RIMS1: variants seen among roughly 807,000 people sequenced by gnomAD.
The protein encoded by RIMS1 is regulating synaptic membrane exocytosis 1, also known as regulating synaptic membrane exocytosis protein 1.
In RIMS1, 83 loss-of-function variants were observed where a neutral mutation model predicts 214.1. The observed-to-expected ratio is 0.39, with a 90% CI of 0.32 to 0.47. RIMS1 has a LOEUF of 0.47. Among genes scored for constraint, RIMS1 ranks in the 20% least tolerant of loss-of-function variants. The pLI is 0.99. For missense variants in RIMS1, 2,050 were observed against 2,161.8 expected, an observed-to-expected ratio of 0.95 and a Z score of 1.03; for synonymous variants, 793 against 786.8, an observed-to-expected ratio of 1.01 and a Z score of -0.13.
chr6:72,059,728 G>T (rs948414215), intron 2 of RIMS1, among the ~76,000 whole-genome samples: 7 of 152,116 alleles, frequency 4.6e-5, no homozygotes, highest in African/African-American at 1.7e-4. Context: ...GTTAAAAACT[G>T]ACAGCCCGTG....
chr6:71,944,352 A>AC (rs1787120926), intron 1 of RIMS1, among the ~76,000 whole-genome samples: 1 of 152,098 alleles, frequency 6.6e-6, no homozygotes, highest in African/African-American at 2.4e-5. Context: ...AAGAAGAGGC[A>AC]CCCCTTTCTC....
intron 10 of RIMS1, among the ~76,000 whole-genome samples, chr6:72,243,315 TATC>T (rs1266997523): frequency 6.6e-6 from 1 of 151,722 alleles, no homozygotes; most frequent in Non-Finnish European, 1.5e-5. Flanking sequence ...AAGATATAAT[TATC>T]ATAATTCTCA....
At chr6:72,140,116 C>T (rs1490010224) in intron 4 of RIMS1, among the ~76,000 whole-genome samples, 3 of 152,080 alleles carry the variant, frequency 2.0e-5, no homozygotes, top group Non-Finnish European at 4.4e-5. Context: ...GTGGAGCTAT[C>T]TTGGTTTAGA....
chr6:72,001,873 C>G (rs574389224), intron 2 of RIMS1, among the ~76,000 whole-genome samples: 1 of 152,112 alleles, frequency 6.6e-6, no homozygotes, highest in African/African-American at 2.4e-5. Flanking sequence ...TGGTACAGAA[C>G]ATTCCACAAA....
chr6:72,023,209 T>C (rs1815263865), intron 2 of RIMS1, among the ~76,000 whole-genome samples: 1 of 152,188 alleles, frequency 6.6e-6, no homozygotes, highest in Admixed American at 6.5e-5. Flanking sequence ...ATTTACACTC[T>C]GAAAGAGCAA....
chr6:72,140,564 C>T (rs2041963450), intron 4 of RIMS1, among the ~76,000 whole-genome samples: 1 of 152,010 alleles, frequency 6.6e-6, no homozygotes, highest in Admixed American at 6.5e-5. Flanking sequence ...AAACTTAACA[C>T]CTTCCACCCT....
At chr6:72,233,036 T>G (rs1201180911) in intron 6 of RIMS1, among the ~76,000 whole-genome samples, 2 of 151,842 alleles carry the variant, frequency 1.3e-5, no homozygotes, top group African/African-American at 4.8e-5. Flanking sequence ...TAATATCTCT[T>G]CTCATGTAGG....
At chr6:72,036,101 G>A (rs1304289992) in intron 2 of RIMS1, among the ~76,000 whole-genome samples, 6 of 152,000 alleles carry the variant, frequency 3.9e-5, no homozygotes, top group Non-Finnish European at 2.9e-5. Context: ...ACAGTTTATG[G>A]CAACATGATC....
At chr6:72,378,279 A>C (rs2098424758) in intron 29 of RIMS1, among the ~76,000 whole-genome samples, 1 of 152,236 alleles carries the variant, frequency 6.6e-6, no homozygotes, top group Non-Finnish European at 1.5e-5. Flanking sequence ...CAGGAATTTC[A>C]CAATACTGCA....
intron 2 of RIMS1, among the ~76,000 whole-genome samples, chr6:72,019,229 C>T (rs775111417): frequency 3.3e-5 from 5 of 152,252 alleles, no homozygotes; most frequent in Non-Finnish European, 5.9e-5. Flanking sequence ...CATGTATACA[C>T]GTGCTGTCAG....
At chr6:72,267,580 A>G (rs1237069561) in intron 22 of RIMS1, among the ~76,000 whole-genome samples, 1 of 152,184 alleles carries the variant, frequency 6.6e-6, no homozygotes, top group African/African-American at 2.4e-5. Flanking sequence ...ATAATAAGCC[A>G]TAGATACTAA....
Position 72,258,256 on chromosome 6 carries a change from C to A in RIMS1, c.2902C>A (p.Arg968Ser). Residue 968 changes from arginine to serine, a missense_variant, in exon 17 of 34, where the codon CGT (arginine) becomes AGT (serine). This residue lies in a region of RIMS1 where 889 missense variants were observed against 885.5 expected (regional missense o/e 1.00). Coordinates refer to ENST00000521978, the MANE Select transcript of RIMS1 (RefSeq NM_014989.7). ...RGNDQGKPRS[R>S]LPNVPLQRSL... ...CAATGATCAGGGAAAGCCGCGTTCA[C>A]GTTTACCAAATGTGCCATTACAGAG... The A allele has an allele frequency of 6.2e-7, 1 of 1,613,350 alleles. No homozygotes were observed. The highest frequency in any genetic ancestry group is 8.5e-7 in the Non-Finnish European group (1 of 1,179,544).
At chr6:71,937,442 A>G (rs1784780943) in intron 1 of RIMS1, among the ~76,000 whole-genome samples, 1 of 152,076 alleles carries the variant, frequency 6.6e-6, no homozygotes, top group African/African-American at 2.4e-5. Flanking sequence ...TTATAGAGAC[A>G]GGGTTTTGCA....
intron 29 of RIMS1, among the ~76,000 whole-genome samples, chr6:72,348,266 C>T (rs924577954): frequency 1.3e-5 from 2 of 151,904 alleles, no homozygotes; most frequent in African/African-American, 4.8e-5. Flanking sequence ...TTTTGTCAAA[C>T]AAATGCAAAT....
chr6:72,030,934 T>C (rs1817919088), intron 2 of RIMS1, among the ~76,000 whole-genome samples: 1 of 152,166 alleles, frequency 6.6e-6, no homozygotes, highest in African/African-American at 2.4e-5. Flanking sequence ...AATTGAAACA[T>C]ACTTTCTATG....
chr6:72,273,767 C>T (rs563926808), intron 22 of RIMS1, among the ~76,000 whole-genome samples: 1 of 152,240 alleles, frequency 6.6e-6, no homozygotes, highest in East Asian at 1.9e-4. Context: ...TGGTTTTTGA[C>T]AAGAAAACTT....
intron 26 of RIMS1, among the ~76,000 whole-genome samples, chr6:72,305,724 C>T (rs1018284188): frequency 1.3e-4 from 20 of 152,062 alleles, no homozygotes; most frequent in African/African-American, 4.6e-4. Context: ...AACCACATTG[C>T]TCAAGCTCTC....
chr6:71,995,731 C>G lies in RIMS1; in HGVS notation c.245+26668C>G, dbSNP rs112319602. On this transcript the variant is annotated intron_variant, in intron 2 of 33. Transcript: ENST00000521978. ...CCATCTTATGTCCTCACATGGCCTT[C>G]CCTTGGTGCCTTACTGCACGCAAAA... Among the ~76,000 whole-genome samples the G allele has an allele frequency of 1.7e-3, 266 of 152,242 alleles. 1 individual carries two copies. The highest frequency in any genetic ancestry group is 3.1e-3 in the Non-Finnish European group (208 of 68,014).
At chr6:72,157,959 C>G (rs1264257691) in intron 4 of RIMS1, among the ~76,000 whole-genome samples, 5 of 140,154 alleles carry the variant, frequency 3.6e-5, no homozygotes, top group African/African-American at 1.2e-4. Flanking sequence ...AACATATTTA[C>G]CACAATATAA....
Sources: allele counts gnomAD v4.1 joint callset (sites outside exome capture counted in the v4.1 genomes callset), GRCh38; gene constraint gnomAD v4.1.1; regional missense constraint gnomAD v4.1.1; transcripts MANE v1.5; gene names NCBI Gene and HGNC (gene_info 2026-07-23, HGNC 2026-07-21).